TAFA5: variants seen among roughly 807,000 people sequenced by gnomAD.
The protein encoded by TAFA5 is chemokine-like protein TAFA-5.
A neutral mutation model predicts 15.3 loss-of-function variants in TAFA5; 6 were observed. That is an observed-to-expected ratio of 0.39 (90% CI 0.21 to 0.77). The LOEUF (loss-of-function observed/expected upper bound fraction) is 0.77, where lower values mean the gene tolerates loss of function less well. Among genes scored for constraint, TAFA5 ranks in the 30% least tolerant of loss-of-function variants. TAFA5 has a pLI of 0.41. For synonymous variants in TAFA5, 103 were observed against 80.7 expected (o/e 1.28, Z -1.48); for missense variants, 161 against 193.1 (o/e 0.83, Z 0.98).
At chr22:48,697,331 G>T (rs1343397972) in intron 2 of TAFA5, among the ~76,000 whole-genome samples, 1 of 151,144 alleles carries the variant, frequency 6.6e-6, no homozygotes, top group Non-Finnish European at 1.5e-5. Flanking sequence ...GGTGGTTATG[G>T]TGACAGTGGT....
intron 1 of TAFA5, among the ~76,000 whole-genome samples, chr22:48,517,673 C>G (rs560812885): frequency 2.8e-4 from 43 of 152,304 alleles, no homozygotes; most frequent in African/African-American, 1.0e-3. Context: ...TGACAGTCAG[C>G]CCCTTGCATG....
intron 1 of TAFA5, among the ~76,000 whole-genome samples, chr22:48,516,671 T>C (rs1203691076): frequency 6.6e-6 from 1 of 152,216 alleles, no homozygotes; most frequent in Admixed American, 6.5e-5. Flanking sequence ...GCTCGGGTCA[T>C]GTGGCTCAGG....
intron 2 of TAFA5, among the ~76,000 whole-genome samples, chr22:48,706,052 TG>T (rs1929068182): frequency 6.6e-6 from 1 of 152,064 alleles, no homozygotes; most frequent in African/African-American, 2.4e-5. Context: ...AGGTGGGGGC[TG>T]GGGGCCATGG....
chr22:48,716,523 T>TG (rs988904833), intron 3 of TAFA5, among the ~76,000 whole-genome samples: 9 of 151,416 alleles, frequency 5.9e-5, no homozygotes, highest in African/African-American at 2.2e-4. Flanking sequence ...TGTTGGGAGG[T>TG]GGGGGGCCAG....
intron 1 of TAFA5, among the ~76,000 whole-genome samples, chr22:48,551,141 C>T (rs546308766): frequency 7.2e-5 from 11 of 152,152 alleles, no homozygotes; most frequent in African/African-American, 2.6e-4. Flanking sequence ...GAGGCAGGCA[C>T]AGCATGAATG....
chr22:48,666,235 T>A (rs1470253789), intron 2 of TAFA5, among the ~76,000 whole-genome samples: 1 of 152,142 alleles, frequency 6.6e-6, no homozygotes, highest in Non-Finnish European at 1.5e-5. Context: ...TCTTCCCCTC[T>A]GCACTCAGAG....
chr22:48,603,964 T>C (rs925828651), intron 1 of TAFA5, among the ~76,000 whole-genome samples: 3 of 152,098 alleles, frequency 2.0e-5, no homozygotes. Flanking sequence ...TGCTGACTCT[T>C]ATTATTTGGG....
chr22:48,644,844 C>T (rs373544199), intron 1 of TAFA5, among the ~76,000 whole-genome samples: 1 of 152,224 alleles, frequency 6.6e-6, no homozygotes, highest in Non-Finnish European at 1.5e-5. Context: ...TCGTCCCTCA[C>T]GCACCCACCA....
intron 1 of TAFA5, among the ~76,000 whole-genome samples, chr22:48,645,199 G>C (rs1049510246): frequency 6.6e-6 from 1 of 152,226 alleles, no homozygotes; most frequent in African/African-American, 2.4e-5. Flanking sequence ...GTTCAGGGCA[G>C]ATTTGGGCAG....
chr22:48,590,708 T>C (rs894264654), intron 1 of TAFA5, among the ~76,000 whole-genome samples: 10 of 152,016 alleles, frequency 6.6e-5, no homozygotes, highest in African/African-American at 2.2e-4. Flanking sequence ...AAAAGAAAAT[T>C]GTGGAAAAGA....
intron 2 of TAFA5, among the ~76,000 whole-genome samples, chr22:48,700,523 C>G (rs897742106): frequency 4.6e-5 from 7 of 152,330 alleles, no homozygotes; most frequent in Admixed American, 4.6e-4. Flanking sequence ...AGACTGGGGT[C>G]TGGGGGTGCC....
At chr22:48,705,875 C>T (rs1929062184) in intron 2 of TAFA5, among the ~76,000 whole-genome samples, 1 of 152,220 alleles carries the variant, frequency 6.6e-6, no homozygotes, top group Non-Finnish European at 1.5e-5. Context: ...TTCAGGTTTT[C>T]AAGTAAACAG....
At chr22:48,642,386 C>T (rs1253530669) in intron 1 of TAFA5, among the ~76,000 whole-genome samples, 2 of 152,208 alleles carry the variant, frequency 1.3e-5, no homozygotes, top group Non-Finnish European at 2.9e-5. Context: ...CCACAGGCAG[C>T]CCTGGTGCGG....
chr22:48,497,462 G>A (rs987210184), intron 1 of TAFA5, among the ~76,000 whole-genome samples: 2 of 151,604 alleles, frequency 1.3e-5, no homozygotes, highest in African/African-American at 2.4e-5. Context: ...AGTGTCCAGT[G>A]GCCAGGGGTC....
chr22:48,702,128 AGT>A (rs71669916), intron 2 of TAFA5, among the ~76,000 whole-genome samples: 28,568 of 107,738 alleles, frequency 0.27, 2,787 homozygotes, highest in African/African-American at 0.31. Flanking sequence ...CTTGTGTGTG[AGT>A]GTGTGTGTGT....
intron 1 of TAFA5, among the ~76,000 whole-genome samples, chr22:48,590,790 G>GT (rs1486338299): frequency 6.6e-6 from 1 of 152,034 alleles, no homozygotes; most frequent in Non-Finnish European, 1.5e-5. Flanking sequence ...CAGCTTCACA[G>GT]TTACCTGGTA....
At chr22:48,620,642 C>CCCACCATCCCCCATCCTATCCAG (rs1925772603) in intron 1 of TAFA5, among the ~76,000 whole-genome samples, 1 of 146,318 alleles carries the variant, frequency 6.8e-6, no homozygotes, top group Non-Finnish European at 1.5e-5. Context: ...ATCCTATCCA[C>CCCACCATCCCCCATCCTATCCAG]CCACCCACCA....
chr22:48,737,993 G>A (rs550559231), intron 3 of TAFA5, among the ~76,000 whole-genome samples: 1 of 152,062 alleles, frequency 6.6e-6, no homozygotes, highest in East Asian at 1.9e-4. Context: ...CTGTTGGGGG[G>A]GCTCTGGCCT....
intron 1 of TAFA5, among the ~76,000 whole-genome samples, chr22:48,622,018 A>T (rs1601622185): frequency 6.6e-6 from 1 of 152,238 alleles, no homozygotes; most frequent in South Asian, 2.1e-4. Flanking sequence ...GCCAGGGCCC[A>T]GGTATTTCTT....
Sources: allele counts gnomAD v4.1 joint callset (sites outside exome capture counted in the v4.1 genomes callset), GRCh38; gene constraint gnomAD v4.1.1; transcripts MANE v1.5; gene names NCBI Gene and HGNC (gene_info 2026-07-23, HGNC 2026-07-21).